MYRF: variants seen among roughly 807,000 people sequenced by gnomAD.
MYRF encodes the protein myelin gene regulatory factor.
A neutral mutation model predicts 126.3 loss-of-function variants in MYRF; 16 were observed. That is an observed-to-expected ratio of 0.13 (90% CI 0.09 to 0.19). The LOEUF (loss-of-function observed/expected upper bound fraction) is 0.19, where lower values mean the gene tolerates loss of function less well. MYRF is among the 10% of genes least tolerant of loss of function. MYRF has a pLI of 1.00. For synonymous variants in MYRF, 608 were observed against 635.3 expected (o/e 0.96, Z 0.65); for missense variants, 1,104 against 1,547.0 (o/e 0.71, Z 4.80).
chr11:61,763,546 G>A (rs1211165408), intron 1 of MYRF, among the ~76,000 whole-genome samples: 1 of 152,218 alleles, frequency 6.6e-6, no homozygotes, highest in Non-Finnish European at 1.5e-5. Context: ...TGAAGAGCCT[G>A]CAGGATGCCT....
rs752898521 is a variant in MYRF at position 61,780,235 on chromosome 11, T to A, written c.2350T>A (p.Ser784Thr). The change falls in exon 18 of 27, where the codon TCC becomes ACC. Residue 784 changes from serine to threonine, a missense_variant. Ser to Thr is a moderately conservative substitution (Grantham distance 58, BLOSUM62 1). Around this residue, in one of 10 missense-constraint regions of MYRF, gnomAD observed 323 missense variants for 383.1 expected, o/e 0.84. Transcript: ENST00000278836. Reference protein sequence around the residue: ...VVMAFSVVSMSTLYVLSLRTE... With the variant: ...VVMAFSVVSMTTLYVLSLRTE... ...CTGTGGCTCCAGCGTGGTGTCCATG[T>A]CCACACTGTACGTGCTGAGCCTGCG... 1 of 1,614,088 alleles carries A rather than the reference T, an allele frequency of 6.2e-7. No individual in the cohort carries two copies. The highest frequency in any genetic ancestry group is 8.5e-7 in the Non-Finnish European group (1 of 1,179,980).
Position 61,757,408 on chromosome 11 carries a change from G to A in MYRF, c.46+4618G>A. ...TTGTAATGGCAGGGCCTCCGTCCCA[G>A]GGTTTCTGGGGTGATTAGGTAAGAT... is the stretch of plus-strand genomic sequence containing the variant. On this transcript the variant is annotated intron_variant, in intron 1 of 26. Coordinates refer to ENST00000278836, the MANE Select transcript of MYRF (RefSeq NM_001127392.3). This position sits in a 1 kb window ranked among gnomAD's most constrained non-coding sequence, Gnocchi z 4.7. 1 of 451,348 alleles carries A rather than the reference G, an allele frequency of 2.2e-6. No homozygotes were observed. Among genetic ancestry groups the A allele is most frequent in the Non-Finnish European group, 4.5e-6 (1 of 223,048 alleles). 28.0% of individuals were successfully genotyped at this position (451,348 alleles called of 1,614,324 possible). A position where few individuals can be genotyped will look rare whatever the true frequency, so the allele number is the denominator to read the frequency against.
rs773401678 is a variant in MYRF, at chr11:61,766,177, C to T, written c.354C>T (p.Thr118=). The change falls in exon 3 of 27, where the codon ACC becomes ACT. Residue 118 remains threonine (T), a synonymous_variant. Coordinates refer to ENST00000278836, the MANE Select transcript of MYRF (RefSeq NM_001127392.3). ...CCCCCAAGCCCTTCCCGGGGGGCAC[C>T]GGGCCCCCCATCAAGGCTGAGCCCA... The part of the protein sequence containing the change: ...GAAPKPFPGG[T]GPPIKAEPKA... 50 of 1,611,568 alleles carry T rather than the reference C, an allele frequency of 3.1e-5. No individual in the cohort carries two copies. The highest frequency in any genetic ancestry group is 3.0e-4 in the South Asian group (27 of 91,042).
In MYRF at chr11:61,786,494, C is replaced by T. The variant is rs753261258; in HGVS notation, c.*351C>T. 12 of 305,644 alleles carry T rather than the reference C, an allele frequency of 3.9e-5. No homozygotes were observed. The highest frequency in any genetic ancestry group is 6.2e-5 in the Non-Finnish European group (10 of 160,272). The allele number at this position is 305,644 out of a possible 1,614,324, so 18.9% of individuals were successfully genotyped here. A position where few individuals can be genotyped will look rare whatever the true frequency, so the allele number is the denominator to read the frequency against. On this transcript the variant is annotated 3_prime_UTR_variant, in exon 27 of 27. Transcript: ENST00000278836. This position sits in a 1 kb window ranked among gnomAD's most constrained non-coding sequence, Gnocchi z 4.5. ...GCCTGTGGCCCTGATTTGTTCAGAG[C>T]CCATTCTCCCTTGCCTCCCCTTTTG...
chr11:61,786,209 G>C lies in MYRF; in HGVS notation c.*66G>C. On this transcript the variant is annotated 3_prime_UTR_variant, in exon 27 of 27. Transcript: ENST00000278836. This position sits in a 1 kb window ranked among gnomAD's most constrained non-coding sequence, Gnocchi z 4.5. ...GCCCAGGCACCCCCCAACACTGGAT[G>C]CAATGGTGTTACACTGGAGCCCGCT... is the stretch of plus-strand genomic sequence containing the variant. 6.8e-7 allele frequency: 1 copy of C among 1,473,456 alleles called. No individual in the cohort carries two copies. Among genetic ancestry groups the C allele is most frequent in the Non-Finnish European group, 9.5e-7 (1 of 1,054,352 alleles). The allele number at this position is 1,473,456 out of a possible 1,614,324, so 91.3% of individuals were successfully genotyped here. A position where few individuals can be genotyped will look rare whatever the true frequency, so the allele number is the denominator to read the frequency against.
At chr11:61,763,674 G>A (rs1029997193) in intron 1 of MYRF, among the ~76,000 whole-genome samples, 4 of 152,136 alleles carry the variant, frequency 2.6e-5, no homozygotes, top group African/African-American at 9.7e-5. Context: ...GACCAGCCTG[G>A]CCAACATGGT....
chr11:61,753,660 C>T (rs1345382125), intron 1 of MYRF, among the ~76,000 whole-genome samples: 1 of 151,818 alleles, frequency 6.6e-6, no homozygotes, highest in Admixed American at 6.6e-5. Flanking sequence ...CCCCACTTGA[C>T]CGAAAGGAGC....
chr11:61,762,630 C>T (rs1436216435), intron 1 of MYRF, among the ~76,000 whole-genome samples: 2 of 152,172 alleles, frequency 1.3e-5, no homozygotes, highest in Non-Finnish European at 2.9e-5. Context: ...CTTCGGCAAG[C>T]CCCCACCCTT....
chr11:61,783,432 G>T lies in MYRF; in HGVS notation c.3017-66G>T. 1 of 1,301,596 alleles carries T rather than the reference G, an allele frequency of 7.7e-7. No homozygotes were observed. Among genetic ancestry groups the T allele is most frequent in the Non-Finnish European group, 1.1e-6 (1 of 906,784 alleles). 80.6% of individuals were successfully genotyped at this position (1,301,596 alleles called of 1,614,324 possible). ...AGGTGTGAGTGACTGCTTCAAGTCTGGCAAGGAAAGACTTGCCAGCTTCTC... is the reference window on the plus strand; with the variant it reads ...AGGTGTGAGTGACTGCTTCAAGTCTTGCAAGGAAAGACTTGCCAGCTTCTC... On this transcript the variant is annotated intron_variant, in intron 22 of 26. Coordinates refer to ENST00000278836, the MANE Select transcript of MYRF (RefSeq NM_001127392.3). This position sits in a 1 kb window ranked among gnomAD's most constrained non-coding sequence, Gnocchi z 4.6.
In MYRF at chr11:61,755,417, G is replaced by C. The variant is rs756283532; in HGVS notation, c.46+2627G>C. On this transcript the variant is annotated intron_variant, in intron 1 of 26. Coordinates refer to ENST00000278836, the MANE Select transcript of MYRF (RefSeq NM_001127392.3). ...AGGGCCTGCAGAGAGGGGACCCACC[G>C]GGCAGGATGCACTGGCTTCCAGCAG... The C allele has an allele frequency of 2.7e-5, 44 of 1,609,900 alleles. No individual in the cohort carries two copies. The African/African-American group carries it at 5.3e-4, about 20-fold the overall frequency.
At chr11:61,779,084 C>G in intron 14 of MYRF, 179 bp from the exon 15 acceptor site, 1 of 659,428 alleles carries the variant, frequency 1.5e-6, no homozygotes, top group South Asian at 1.8e-5. Flanking sequence ...GGCACAGGAG[C>G]TGTGGGAGCC....
chr11:61,774,028 G>A lies in MYRF; in HGVS notation c.1177G>A (p.Ala393Thr), dbSNP rs780018565. ...KGFNFSVGDD[A>T]FVCQKKNHFQ... ...CTTCAACTTTTCGGTGGGCGACGAC[G>A]CCTTTGTGTGCCAGAAGAAGAACCA... The change falls in exon 8 of 27, where the codon GCC becomes ACC. Residue 393 changes from alanine to threonine, a missense_variant. By Grantham distance (58) the Ala-to-Thr change is moderately conservative. Transcript: ENST00000278836. The A allele has an allele frequency of 3.1e-6, 5 of 1,611,868 alleles. No individual in the cohort carries two copies. Among genetic ancestry groups the A allele is most frequent in the East Asian group, 4.5e-5 (2 of 44,754 alleles).
Position 61,757,772 on chromosome 11 carries a change from G to A in MYRF, c.46+4982G>A. ...TGTCTTCCTGGAGTCCTGGGGTGCAGTGGAAGCGTGGGTGACGGCCTCCCA... is the reference window on the plus strand; with the variant it reads ...TGTCTTCCTGGAGTCCTGGGGTGCAATGGAAGCGTGGGTGACGGCCTCCCA... On this transcript the variant is annotated intron_variant, in intron 1 of 26. Coordinates refer to ENST00000278836, the MANE Select transcript of MYRF (RefSeq NM_001127392.3). The surrounding 1 kb of genome is among the most constrained non-coding windows in gnomAD (Gnocchi z 4.7). 5.9e-6 allele frequency: 2 copies of A among 341,612 alleles called. No individual in the cohort carries two copies. Among genetic ancestry groups the A allele is most frequent in the East Asian group, 7.6e-5 (1 of 13,122 alleles). 21.2% of individuals were successfully genotyped at this position (341,612 alleles called of 1,614,324 possible).
At position 61,757,522 on chromosome 11, in the gene MYRF, G is replaced by C; in HGVS notation, c.46+4732G>C. ...TTACTGGTCCCCAGGGTAGGTCAGT[G>C]CCCCTAAGCTTAGGGGGCTTGTTGA... On this transcript the variant is annotated intron_variant, in intron 1 of 26. Transcript: ENST00000278836. The surrounding 1 kb of genome is among the most constrained non-coding windows in gnomAD (Gnocchi z 4.7). 1 of 456,534 alleles carries C rather than the reference G, an allele frequency of 2.2e-6. No individual in the cohort carries two copies. Among genetic ancestry groups the C allele is most frequent in the Non-Finnish European group, 4.4e-6 (1 of 226,922 alleles). The allele number at this position is 456,534 out of a possible 1,614,324, so 28.3% of individuals were successfully genotyped here.
At position 61,787,817 on chromosome 11, in the gene MYRF, G is replaced by T. The variant is rs2066728537; in HGVS notation, c.*1674G>T. The stretch of plus-strand genomic sequence containing the variant: ...TTAAAACTGCCGAGCCCCACTCCAT[G>T]TAATAGGATTCCTGGGCTTCCTCAA... On this transcript the variant is annotated 3_prime_UTR_variant, in exon 27 of 27. Transcript: ENST00000278836. 6.5e-6 allele frequency: 1 copy of T among 152,734 alleles called. No individual in the cohort carries two copies. The highest frequency in any genetic ancestry group is 1.5e-5 in the Non-Finnish European group (1 of 68,046). 9.5% of individuals were successfully genotyped at this position (152,734 alleles called of 1,614,324 possible).
rs1319295545 is a variant in MYRF, at chr11:61,757,030, T to C, written c.46+4240T>C. ...GATAAGGAACTGGGAGCAGAAATTA[T>C]TAACTGAATCATTAACTGGGTGGCC... On this transcript the variant is annotated intron_variant, in intron 1 of 26. Transcript: ENST00000278836. The surrounding 1 kb of genome is among the most constrained non-coding windows in gnomAD (Gnocchi z 4.7). 1 of 386,318 alleles carries C rather than the reference T, an allele frequency of 2.6e-6. No homozygotes were observed. The highest frequency in any genetic ancestry group is 5.2e-6 in the Non-Finnish European group (1 of 190,998). The allele number at this position is 386,318 out of a possible 1,614,324, so 23.9% of individuals were successfully genotyped here. A position where few individuals can be genotyped will look rare whatever the true frequency, so the allele number is the denominator to read the frequency against.
chr11:61,758,487 G>C (rs1468908258), intron 1 of MYRF, among the ~76,000 whole-genome samples: 2 of 152,318 alleles, frequency 1.3e-5, no homozygotes, highest in South Asian at 2.1e-4. Context: ...CAGGCGGGGA[G>C]GGGGCTTGGA....
rs1308238034 is a variant in MYRF, at chr11:61,757,196, G to A, written c.46+4406G>A. The A allele has an allele frequency of 6.6e-6, 3 of 456,748 alleles. No individual in the cohort carries two copies. Among genetic ancestry groups the A allele is most frequent in the Admixed American group, 2.3e-5 (1 of 42,554 alleles). The allele number at this position is 456,748 out of a possible 1,614,324, so 28.3% of individuals were successfully genotyped here. A position where few individuals can be genotyped will look rare whatever the true frequency, so the allele number is the denominator to read the frequency against. Reference sequence around the variant, plus strand: ...CTCCTATCTCCAGGCCTTCAGCCCCGGCTGCCACGGGGTGTGGGTACCTCT... The same window carrying A: ...CTCCTATCTCCAGGCCTTCAGCCCCAGCTGCCACGGGGTGTGGGTACCTCT... On this transcript the variant is annotated intron_variant, in intron 1 of 26. Transcript: ENST00000278836. This position sits in a 1 kb window ranked among gnomAD's most constrained non-coding sequence, Gnocchi z 4.7.
Position 61,779,524 on chromosome 11 carries a change from C to T in MYRF, c.2201C>T (p.Ala734Val), listed in dbSNP as rs399122. 405 of 1,510,678 alleles carry T rather than the reference C, an allele frequency of 2.7e-4. No homozygotes were observed. The highest frequency in any genetic ancestry group is 3.3e-4 in the Non-Finnish European group (368 of 1,127,954). 93.6% of individuals were successfully genotyped at this position (1,510,678 alleles called of 1,614,324 possible). A position where few individuals can be genotyped will look rare whatever the true frequency, so the allele number is the denominator to read the frequency against. The change falls in exon 16 of 27, where the codon GCG becomes GTG. Residue 734 changes from alanine to valine, a missense_variant. Physicochemically the swap from Ala to Val is moderately conservative, Grantham distance 64 (BLOSUM62 0). Transcript: ENST00000278836. ...CATGCAGGGAGCCAGTTCAGTCGGG[C>T]GGGCAGCGTCCCCCACAAGAAGAGG... The part of the protein sequence containing the change: ...FSHAGSQFSR[A>V]GSVPHKKRPP...
Sources: allele counts gnomAD v4.1 joint callset (sites outside exome capture counted in the v4.1 genomes callset), GRCh38; gene constraint gnomAD v4.1.1; regional missense constraint gnomAD v4.1.1; non-coding constraint Gnocchi (gnomAD v3.1); transcripts MANE v1.5; gene names NCBI Gene and HGNC (gene_info 2026-07-23, HGNC 2026-07-21).